The following ARHGAP32 variants were observed in gnomAD, a reference collection of about 807,000 sequenced individuals.
ARHGAP32 encodes rho GTPase-activating protein 32.
In ARHGAP32, 51 loss-of-function variants were observed where a neutral mutation model predicts 186.5. The observed-to-expected ratio is 0.27, with a 90% confidence interval of 0.22 to 0.35. ARHGAP32 has a LOEUF of 0.35. ARHGAP32 is among the 10% of genes least tolerant of loss of function. ARHGAP32 has a pLI of 1.00. For synonymous variants in ARHGAP32, 950 were observed against 964.3 expected (o/e 0.99, Z 0.27); for missense variants, 2,186 against 2,623.5 (o/e 0.83, Z 3.64).
At chr11:129,199,688 G>C (rs1484775379) in intron 1 of ARHGAP32, among the ~76,000 whole-genome samples, 1 of 152,250 alleles carries the variant, frequency 6.6e-6, no homozygotes, top group Non-Finnish European at 1.5e-5. Context: ...ACCTCTGCCA[G>C]GGCAGTGCAG....
Position 128,970,379 on chromosome 11 carries a change from G to C in ARHGAP32, c.4834C>G (p.Pro1612Ala), listed in dbSNP as rs1186716536. 1 of 1,614,042 alleles carries C rather than the reference G, an allele frequency of 6.2e-7. No homozygotes were observed. Among genetic ancestry groups the C allele is most frequent in the East Asian group, 2.2e-5 (1 of 44,890 alleles). Reference sequence around the variant, plus strand: ...GGGGGAACTTCTGTCCGTGAAATGGGAACAGAGCGAATCATGGAAGACGGC... The same window carrying C: ...GGGGGAACTTCTGTCCGTGAAATGGCAACAGAGCGAATCATGGAAGACGGC... ...APPSSMIRSV[P>A]ISRTEVPPDD... Residue 1612 changes from proline to alanine, a missense_variant, in exon 23 of 23, where the codon CCC becomes GCC. This residue lies in a region of ARHGAP32 where 1,502 missense variants were observed against 1,570.0 expected (regional missense o/e 0.96). Transcript: ENST00000682385. The surrounding 1 kb of genome is among the most constrained non-coding windows in gnomAD (Gnocchi z 5.8).
intron 10 of ARHGAP32, among the ~76,000 whole-genome samples, chr11:129,056,262 AC>A (rs1455421473): frequency 2.0e-5 from 3 of 152,342 alleles, no homozygotes; most frequent in East Asian, 3.9e-4. Flanking sequence ...CTGTAACTAT[AC>A]AAAAATCAAG....
chr11:129,186,814 G>T (rs190511077), intron 1 of ARHGAP32, among the ~76,000 whole-genome samples: 31 of 152,206 alleles, frequency 2.0e-4, no homozygotes, highest in African/African-American at 7.2e-4. Flanking sequence ...TACAGTGAGA[G>T]ATCATCTCAC....
At chr11:129,002,238 C>T (rs781614170) in intron 11 of ARHGAP32, among the ~76,000 whole-genome samples, 1 of 152,036 alleles carries the variant, frequency 6.6e-6, no homozygotes, top group Non-Finnish European at 1.5e-5. Context: ...ACGTGGAATA[C>T]CTTTCCATTT....
rs187508033 is a variant in ARHGAP32, at chr11:128,976,681, T to C, written c.2123-47A>G. 4.5e-4 allele frequency: 683 copies of C among 1,506,214 alleles called. 1 individual carries two copies. The highest frequency in any genetic ancestry group is 5.6e-4 in the Non-Finnish European group (610 of 1,082,280). The allele number at this position is 1,506,214 out of a possible 1,614,324, so 93.3% of individuals were successfully genotyped here. On this transcript the variant is annotated intron_variant, in intron 19 of 22. Transcript: ENST00000682385. ...GTGTGAAGATTTCTTATTTGTTACA[T>C]ATGTGGTTAATGGGATCGGTGTTTT...
intron 11 of ARHGAP32, among the ~76,000 whole-genome samples, chr11:129,031,925 G>A (rs1361254425): frequency 2.0e-5 from 3 of 152,128 alleles, no homozygotes; most frequent in Admixed American, 1.3e-4. Flanking sequence ...GGGAGGGCTC[G>A]ACGGCAGGAC....
intron 1 of ARHGAP32, among the ~76,000 whole-genome samples, chr11:129,244,444 G>A (rs1008080807): frequency 6.6e-6 from 1 of 152,092 alleles, no homozygotes; most frequent in South Asian, 2.1e-4. Context: ...TTTTTTAAAC[G>A]TTTTCTAAAA....
chr11:129,149,604 G>A (rs1450403214), intron 2 of ARHGAP32, among the ~76,000 whole-genome samples: 1 of 152,098 alleles, frequency 6.6e-6, no homozygotes, highest in African/African-American at 2.4e-5. Context: ...CCACATCAAG[G>A]GATCACCCCA....
rs527277344 is a variant in ARHGAP32, at chr11:129,167,724, C to T, written c.117-3297G>A. 5.3e-5 allele frequency among the ~76,000 whole-genome samples: 8 copies of T among 152,186 alleles called. No individual in the cohort carries two copies. In the South Asian group the frequency reaches 1.5e-3, roughly 28 times the overall value. On this transcript the variant is annotated intron_variant, in intron 1 of 22. Transcript: ENST00000682385. The stretch of plus-strand genomic sequence containing the variant: ...TTTCCAGAGGCTAAGGAGATGGAAA[C>T]ATGGAGAGTTCTACTAATAGGTGAG...
At position 129,093,615 on chromosome 11, in the gene ARHGAP32, A is replaced by C; in HGVS notation, c.531+6T>G. On this transcript the variant is annotated splice_donor_region_variant and intron_variant, in intron 6 of 22. Coordinates refer to ENST00000682385, the MANE Select transcript of ARHGAP32 (RefSeq NM_001378024.1). Reference sequence around the variant, plus strand: ...TATGAAATGGAGAATACATTCACAAAATCACCTGACAAGCAATCTGCACGA... The same window carrying C: ...TATGAAATGGAGAATACATTCACAACATCACCTGACAAGCAATCTGCACGA... 1 of 1,595,272 alleles carries C rather than the reference A, an allele frequency of 6.3e-7. No homozygotes were observed. The highest frequency in any genetic ancestry group is 8.6e-7 in the Non-Finnish European group (1 of 1,168,200).
intron 1 of ARHGAP32, among the ~76,000 whole-genome samples, chr11:129,209,301 C>T (rs1173006329): frequency 2.0e-5 from 3 of 151,348 alleles, no homozygotes; most frequent in Non-Finnish European, 4.4e-5. Context: ...AAATCTGCAG[C>T]ACAAAAGAAG....
chr11:129,172,406 T>C, intron 1 of ARHGAP32, among the ~76,000 whole-genome samples: 1 of 152,240 alleles, frequency 6.6e-6, no homozygotes. Flanking sequence ...CAAAGGCCTT[T>C]TCTGCATCTG....
intron 10 of ARHGAP32, among the ~76,000 whole-genome samples, chr11:129,052,606 C>CTT (rs1034092057): frequency 5.5e-5 from 8 of 146,192 alleles, no homozygotes; most frequent in African/African-American, 2.0e-4. Context: ...TCTTTCACAT[C>CTT]TTTTTTTTTT....
rs998688950 is a variant in ARHGAP32 at position 129,164,366 on chromosome 11, C to T, written c.178G>A (p.Val60Ile). Residue 60 changes from valine to isoleucine, a missense_variant, in exon 2 of 23, where the codon GTA becomes ATA. By Grantham distance (29) the Val-to-Ile change is conservative. This residue lies in a region of ARHGAP32 where 108 missense variants were observed against 116.8 expected (regional missense o/e 0.92). Coordinates refer to ENST00000682385, the MANE Select transcript of ARHGAP32 (RefSeq NM_001378024.1). ...CAATCAGGCCGCTCTCGAGGGTGTA[C>T]ATTTCTATGTAGCTCTGGAACAAAA... The part of the protein sequence containing the change: ...DDFVPELHRN[V>I]HPRERPDWEE... The T allele has an allele frequency of 3.8e-6, 6 of 1,584,302 alleles. No homozygotes were observed. Among genetic ancestry groups the T allele is most frequent in the Non-Finnish European group, 3.4e-6 (4 of 1,163,804 alleles).
chr11:128,981,993 A>G (rs1945716796), intron 15 of ARHGAP32, 57 bp from the exon 16 acceptor site: 1 of 1,088,522 alleles, frequency 9.2e-7, no homozygotes, highest in Non-Finnish European at 1.3e-6. Flanking sequence ...AGTATAGAAC[A>G]TAAAAGCCTG....
intron 21 of ARHGAP32, 48 bp downstream of exon 21, chr11:128,974,076 G>A: frequency 6.3e-7 from 1 of 1,591,188 alleles, no homozygotes. Flanking sequence ...ACACAGGATT[G>A]AAGATCCCTC....
At chr11:129,098,636 G>A (rs1287143301) in intron 5 of ARHGAP32, among the ~76,000 whole-genome samples, 1 of 151,954 alleles carries the variant, frequency 6.6e-6, no homozygotes, top group Non-Finnish European at 1.5e-5. Context: ...AGCCAGGATG[G>A]TCTTGATCTC....
chr11:129,132,917 G>C (rs928137316), intron 2 of ARHGAP32, among the ~76,000 whole-genome samples: 22 of 152,272 alleles, frequency 1.4e-4, no homozygotes, highest in Middle Eastern at 3.4e-3. Context: ...TTTTAGAACA[G>C]AGAAATGTAG....
intron 1 of ARHGAP32, among the ~76,000 whole-genome samples, chr11:129,220,221 T>C (rs1253325405): frequency 6.6e-6 from 1 of 152,144 alleles, no homozygotes; most frequent in Admixed American, 6.6e-5. Flanking sequence ...CTTCAGTATG[T>C]TTATTCACCA....
Sources: gnomAD v4.1 joint callset for allele counts (sites outside exome capture counted in the v4.1 genomes callset) on GRCh38, gnomAD v4.1.1 for gene constraint, gnomAD v4.1.1 regional missense constraint, Gnocchi (gnomAD v3.1) non-coding constraint, MANE v1.5 for transcripts, NCBI Gene and HGNC (gene_info 2026-07-23, HGNC 2026-07-21) for gene names.